Variants in ELFN1 observed in about 807,000 individuals in gnomAD.
The protein encoded by ELFN1 is protein ELFN1.
ELFN1 carries 6 observed loss-of-function variants against 7.6 expected under a neutral mutation model. That is an observed-to-expected ratio of 0.79 (90% confidence interval 0.43 to 1.56). The LOEUF is 1.56. ELFN1 is among the 40% of genes most tolerant of loss of function. The probability of loss-of-function intolerance (pLI) is 0.01; values close to 1 mark genes in which losing one functional copy is unlikely to be tolerated. For synonymous variants in ELFN1, 657 were observed against 588.1 expected, an observed-to-expected ratio of 1.12 and a Z score of -1.70; for missense variants, 1,169 against 1,232.2, an observed-to-expected ratio of 0.95 and a Z score of 0.77.
chr7:1,683,909 G>A (rs1456212464), intron 1 of ELFN1, among the ~76,000 whole-genome samples: 2 of 152,160 alleles, frequency 1.3e-5, no homozygotes, highest in East Asian at 3.8e-4. Context: ...AGCACTTTGG[G>A]AGGCCAAGGC....
intron 3 of ELFN1, among the ~76,000 whole-genome samples, chr7:1,720,960 ACT>A (rs1465937724): frequency 6.6e-6 from 1 of 151,856 alleles, no homozygotes; most frequent in East Asian, 1.9e-4. Context: ...TGTCCCTTGC[ACT>A]CTCTCTGTGC....
intron 3 of ELFN1, among the ~76,000 whole-genome samples, chr7:1,729,209 T>G (rs1165505415): frequency 6.6e-6 from 1 of 152,168 alleles, no homozygotes; most frequent in African/African-American, 2.4e-5. Context: ...ATGGGGAACG[T>G]GAGCTTGGAG....
intron 2 of ELFN1, among the ~76,000 whole-genome samples, chr7:1,699,635 C>T (rs1197090545): frequency 6.6e-6 from 1 of 152,014 alleles, no homozygotes; most frequent in Non-Finnish European, 1.5e-5. Context: ...AGCAAGACTC[C>T]ATCATAAATA....
Position 1,695,085 on chromosome 7 carries a change from T to A in ELFN1, c.-456+6935T>A, listed in dbSNP as rs1779272356. On this transcript the variant is annotated intron_variant, in intron 2 of 3. Coordinates refer to ENST00000424383, the MANE Select transcript of ELFN1 (RefSeq NM_001128636.4). This position sits in a 1 kb window ranked among gnomAD's most constrained non-coding sequence, Gnocchi z 5.1. ...GAGTTACGCTGCAGACGGCTCCGGA[T>A]GCACGTGGCTGTGCCAGGCAGCAGA... is the stretch of plus-strand genomic sequence containing the variant. Among the ~76,000 whole-genome samples, 2 of 152,182 alleles carry A rather than the reference T, an allele frequency of 1.3e-5. No homozygotes were observed. Among genetic ancestry groups the A allele is most frequent in the South Asian group, 4.1e-4 (2 of 4,828 alleles).
chr7:1,743,420 C>T lies in ELFN1; in HGVS notation c.-293-884C>T, dbSNP rs1322792953. Among the ~76,000 whole-genome samples the T allele has an allele frequency of 5.3e-5, 8 of 152,292 alleles. No individual in the cohort carries two copies. The South Asian group carries it at 8.3e-4, about 16-fold the overall frequency. On this transcript the variant is annotated intron_variant, in intron 3 of 3. Transcript: ENST00000424383. ...GGATGTGTGGAGCCTGGAAATTCTC[C>T]GCAGAGCAAGCAGTTCCCTTCCTTC...
intron 2 of ELFN1, among the ~76,000 whole-genome samples, chr7:1,706,556 C>T (rs572558090): frequency 2.0e-5 from 3 of 152,380 alleles, no homozygotes; most frequent in Admixed American, 2.0e-4. Flanking sequence ...GGGCGTGCCC[C>T]CGGCCTTCCC....
intron 3 of ELFN1, among the ~76,000 whole-genome samples, chr7:1,733,768 AAC>A (rs902281000): frequency 1.3e-5 from 2 of 152,174 alleles, no homozygotes; most frequent in African/African-American, 4.8e-5. Context: ...GCAGCCAGGA[AAC>A]ACAGATTCAG....
At chr7:1,729,552 C>G (rs886816713) in intron 3 of ELFN1, among the ~76,000 whole-genome samples, 1 of 152,222 alleles carries the variant, frequency 6.6e-6, no homozygotes, top group Admixed American at 6.5e-5. Context: ...GGCAGGGTGG[C>G]CGGCCTAGCT....
chr7:1,744,785 G>C lies in ELFN1; in HGVS notation c.189G>C (p.Val63=), dbSNP rs778549064. 2.6e-6 allele frequency: 4 copies of C among 1,556,148 alleles called. No individual in the cohort carries two copies. The highest frequency in any genetic ancestry group is 3.5e-6 in the Non-Finnish European group (4 of 1,149,436). The stretch of plus-strand genomic sequence containing the variant: ...CACAGCAGATCAACAGCACCATCGT[G>C]GACCTGCGGCTCAACGAGAACCGTA... ...AIPQQINSTI[V]DLRLNENRIR... The change falls in exon 4 of 4, where the codon GTG becomes GTC. Residue 63 remains valine (V), a synonymous_variant. Transcript: ENST00000424383.
chr7:1,734,503 G>A (rs2128600054), intron 3 of ELFN1, among the ~76,000 whole-genome samples: 1 of 152,154 alleles, frequency 6.6e-6, no homozygotes, highest in East Asian at 1.9e-4. Flanking sequence ...ATCCCAGGAG[G>A]CAGCACTCAG....
At chr7:1,704,924 C>T (rs180821286) in intron 2 of ELFN1, among the ~76,000 whole-genome samples, 78 of 152,214 alleles carry the variant, frequency 5.1e-4, no homozygotes, top group African/African-American at 1.7e-3. Flanking sequence ...AGAAGGCAGC[C>T]GTGCGTGTCC....
At chr7:1,719,990 G>A (rs1161536923) in intron 3 of ELFN1, among the ~76,000 whole-genome samples, 3 of 146,160 alleles carry the variant, frequency 2.1e-5, no homozygotes, top group African/African-American at 7.7e-5. Flanking sequence ...CATCACCTCT[G>A]CAAACCCTCC....
At chr7:1,728,651 C>G (rs2128597367) in intron 3 of ELFN1, among the ~76,000 whole-genome samples, 1 of 152,346 alleles carries the variant, frequency 6.6e-6, no homozygotes, top group East Asian at 1.9e-4. Context: ...CCAGGCAGCA[C>G]ACAGCACATG....
At chr7:1,700,676 C>T (rs1332434204) in intron 2 of ELFN1, among the ~76,000 whole-genome samples, 2 of 152,222 alleles carry the variant, frequency 1.3e-5, no homozygotes, top group South Asian at 2.1e-4. Context: ...AGAGAACAGT[C>T]GCCGGCTCTT....
At chr7:1,693,277 C>T (rs1482057407) in intron 2 of ELFN1, 2 of 449,774 alleles carry the variant, frequency 4.4e-6, no homozygotes, top group Non-Finnish European at 9.4e-6. Context: ...AGAGGATGTA[C>T]TGGCTGGGGA....
At chr7:1,707,488 C>G (rs564428707) in intron 2 of ELFN1, among the ~76,000 whole-genome samples, 3 of 152,310 alleles carry the variant, frequency 2.0e-5, no homozygotes, top group African/African-American at 4.8e-5. Flanking sequence ...AGGGGCAACC[C>G]TGGGGCTGAT....
intron 3 of ELFN1, among the ~76,000 whole-genome samples, chr7:1,741,296 C>T (rs567863268): frequency 7.8e-4 from 119 of 152,336 alleles, no homozygotes; most frequent in Middle Eastern, 3.4e-3. Flanking sequence ...CTAAAGATCT[C>T]CCTGCCCAGG....
In ELFN1 at chr7:1,744,553, C is replaced by A. The variant is rs918592176; in HGVS notation, c.-44C>A. 1.5e-5 allele frequency: 22 copies of A among 1,445,310 alleles called. No homozygotes were observed. Among genetic ancestry groups the A allele is most frequent in the South Asian group, 1.3e-4 (9 of 67,204 alleles). The allele number at this position is 1,445,310 out of a possible 1,614,324, so 89.5% of individuals were successfully genotyped here. A position where few individuals can be genotyped will look rare whatever the true frequency, so the allele number is the denominator to read the frequency against. On this transcript the variant is annotated 5_prime_UTR_variant, in exon 4 of 4. Coordinates refer to ENST00000424383, the MANE Select transcript of ELFN1 (RefSeq NM_001128636.4). Reference sequence around the variant, plus strand: ...GCTGGCGCCTGGCCCCCCACCTGGTCCCCCTGGGCAGGCTGAATTGGGGCT... The same window carrying A: ...GCTGGCGCCTGGCCCCCCACCTGGTACCCCTGGGCAGGCTGAATTGGGGCT...
chr7:1,671,817 A>G (rs931074058), intron 1 of ELFN1, among the ~76,000 whole-genome samples: 3 of 152,164 alleles, frequency 2.0e-5, no homozygotes, highest in Non-Finnish European at 2.9e-5. Flanking sequence ...ACTCCACCAA[A>G]GCAGGGGGAC....
Sources: gnomAD v4.1 joint callset for allele counts (sites outside exome capture counted in the v4.1 genomes callset) on GRCh38, gnomAD v4.1.1 for gene constraint, Gnocchi (gnomAD v3.1) non-coding constraint, MANE v1.5 for transcripts, NCBI Gene and HGNC (gene_info 2026-07-23, HGNC 2026-07-21) for gene names.